Variants in ADGRL3 observed in about 807,000 individuals in gnomAD.
The protein encoded by ADGRL3 is calcium-independent alpha-latrotoxin receptor 3.
ADGRL3 carries 62 observed loss-of-function variants against 153.5 expected under a neutral mutation model. The ratio of observed to expected loss-of-function variants is 0.40; its 90% CI spans 0.33 to 0.50. ADGRL3 has a LOEUF of 0.50. ADGRL3 is among the 20% of genes least tolerant of loss of function. ADGRL3 has a pLI of 0.47. For missense variants in ADGRL3, 1,641 were observed against 1,859.4 expected (o/e 0.88, Z 2.16); for synonymous variants, 710 against 672.5 (o/e 1.06, Z -0.86).
chr4:61,715,651 A>C (rs138921094), intron 6 of ADGRL3, among the ~76,000 whole-genome samples: 4 of 152,242 alleles, frequency 2.6e-5, no homozygotes, highest in African/African-American at 9.6e-5. Context: ...GATATTTTGC[A>C]CTTGTGGTAG....
At chr4:61,400,943 A>G (rs775612647) in intron 2 of ADGRL3, among the ~76,000 whole-genome samples, 8 of 151,680 alleles carry the variant, frequency 5.3e-5, no homozygotes, top group Non-Finnish European at 7.4e-5. Context: ...TGTTTGCATT[A>G]GATTTTAAAT....
At chr4:61,842,863 C>G (rs1200081790) in intron 9 of ADGRL3, among the ~76,000 whole-genome samples, 1 of 152,102 alleles carries the variant, frequency 6.6e-6, no homozygotes. Context: ...TGCATATAGT[C>G]TACACTGAAG....
At chr4:61,370,611 C>T (rs1310157155) in intron 1 of ADGRL3, among the ~76,000 whole-genome samples, 11 of 151,960 alleles carry the variant, frequency 7.2e-5, no homozygotes, top group Non-Finnish European at 1.5e-5. Context: ...GTTATAATTT[C>T]TGTTCTTTTA....
intron 2 of ADGRL3, among the ~76,000 whole-genome samples, chr4:61,496,353 T>C (rs538240765): frequency 1.3e-5 from 2 of 152,318 alleles, no homozygotes; most frequent in African/African-American, 4.8e-5. Flanking sequence ...TGTGTAAGCT[T>C]TACCATGGTA....
chr4:61,498,094 T>C (rs2152813076), intron 3 of ADGRL3, among the ~76,000 whole-genome samples: 1 of 152,264 alleles, frequency 6.6e-6, no homozygotes, highest in Admixed American at 6.5e-5. Context: ...AAAATCCCAC[T>C]TATTCAAAAG....
At chr4:61,358,616 A>C (rs2151455285) in intron 1 of ADGRL3, among the ~76,000 whole-genome samples, 1 of 151,020 alleles carries the variant, frequency 6.6e-6, no homozygotes, top group African/African-American at 2.4e-5. Context: ...AAAAAAAAAA[A>C]AGAAAGCAGA....
Position 61,727,404 on chromosome 4 carries a change from GA to G in ADGRL3, c.584-3217del, listed in dbSNP as rs1253400369. 3.3e-5 allele frequency among the ~76,000 whole-genome samples: 5 copies of G among 152,198 alleles called. No individual in the cohort carries two copies. In the East Asian group the frequency reaches 9.6e-4, roughly 29 times the overall value. ...AAATAGTTTGGAAATTAAAAATGTA[GA>G]GAGAAAAGGAGACAAACTCGTTTCA... On this transcript the variant is annotated intron_variant, in intron 6 of 26. Transcript: ENST00000683033.
At chr4:61,319,167 G>A (rs1382026243) in intron 1 of ADGRL3, among the ~76,000 whole-genome samples, 1 of 152,042 alleles carries the variant, frequency 6.6e-6, no homozygotes, top group Non-Finnish European at 1.5e-5. Flanking sequence ...TCATTTTTTG[G>A]TGAAAAGTGT....
intron 4 of ADGRL3, among the ~76,000 whole-genome samples, chr4:61,536,434 T>A (rs1366402232): frequency 2.6e-5 from 4 of 152,096 alleles, no homozygotes; most frequent in African/African-American, 9.7e-5. Context: ...CTGAGTTTCT[T>A]TGTTTTCTGC....
intron 5 of ADGRL3, among the ~76,000 whole-genome samples, chr4:61,639,673 G>A (rs2093580785): frequency 6.6e-6 from 1 of 152,110 alleles, no homozygotes; most frequent in Non-Finnish European, 1.5e-5. Flanking sequence ...CTGAAATAGA[G>A]AGGTTATAAA....
At chr4:61,363,515 G>A (rs529273882) in intron 1 of ADGRL3, among the ~76,000 whole-genome samples, 1 of 152,118 alleles carries the variant, frequency 6.6e-6, no homozygotes, top group East Asian at 1.9e-4. Flanking sequence ...TCCTTTTTGA[G>A]TATTGTAGAT....
At chr4:61,283,769 C>G (rs1057134067) in intron 1 of ADGRL3, among the ~76,000 whole-genome samples, 2 of 151,960 alleles carry the variant, frequency 1.3e-5, no homozygotes, top group Non-Finnish European at 2.9e-5. Flanking sequence ...TCAGGGTCTT[C>G]TGGCTTCTTA....
At chr4:61,393,159 C>T (rs1208578987) in intron 2 of ADGRL3, among the ~76,000 whole-genome samples, 2 of 151,986 alleles carry the variant, frequency 1.3e-5, no homozygotes, top group Non-Finnish European at 2.9e-5. Context: ...CTAGATTATC[C>T]ATAAATGACC....
chr4:61,615,348 C>T (rs1009555158), intron 5 of ADGRL3, among the ~76,000 whole-genome samples: 4 of 151,630 alleles, frequency 2.6e-5, no homozygotes, highest in Non-Finnish European at 5.9e-5. Context: ...GGGATGAGAA[C>T]AAGTAGAAAA....
At chr4:61,746,973 A>C (rs1435568960) in intron 8 of ADGRL3, among the ~76,000 whole-genome samples, 1 of 152,226 alleles carries the variant, frequency 6.6e-6, no homozygotes, top group East Asian at 1.9e-4. Context: ...AGACTAATAA[A>C]GAAGAAAAGA....
At chr4:61,970,590 A>G (rs1273952676) in intron 17 of ADGRL3, among the ~76,000 whole-genome samples, 1 of 152,146 alleles carries the variant, frequency 6.6e-6, no homozygotes, top group Non-Finnish European at 1.5e-5. Flanking sequence ...AATTCAAAGG[A>G]CAATTGTATA....
intron 9 of ADGRL3, among the ~76,000 whole-genome samples, chr4:61,846,883 C>T (rs919604839): frequency 4.6e-5 from 7 of 151,258 alleles, no homozygotes; most frequent in Admixed American, 2.6e-4. Flanking sequence ...TTTCAAATGA[C>T]GAGATCTCAT....
intron 5 of ADGRL3, among the ~76,000 whole-genome samples, chr4:61,603,753 T>TGTTG (rs1385973981): frequency 6.6e-6 from 1 of 151,932 alleles, no homozygotes; most frequent in Non-Finnish European, 1.5e-5. Flanking sequence ...TTTGTTTGTT[T>TGTTG]TCCCTGACAT....
intron 5 of ADGRL3, among the ~76,000 whole-genome samples, chr4:61,643,197 A>G (rs1035636022): frequency 3.3e-5 from 5 of 152,010 alleles, no homozygotes; most frequent in Admixed American, 2.0e-4. Flanking sequence ...GGCTGAGACA[A>G]TGGGGTTTTC....
Sources: allele counts gnomAD v4.1 joint callset (sites outside exome capture counted in the v4.1 genomes callset), GRCh38; gene constraint gnomAD v4.1.1; transcripts MANE v1.5; gene names NCBI Gene and HGNC (gene_info 2026-07-23, HGNC 2026-07-21).